CREB1: variants seen among roughly 807,000 people sequenced by gnomAD.
CREB1 encodes cyclic AMP-responsive element-binding protein 1.
Under a neutral mutation model 42.0 loss-of-function variants are expected in CREB1, and 2 were observed. The observed-to-expected ratio is 0.05, with a 90% CI of 0.02 to 0.15. The LOEUF (loss-of-function observed/expected upper bound fraction) is 0.15, where lower values mean the gene tolerates loss of function less well. CREB1 is among the 10% of genes least tolerant of loss of function. CREB1 has a pLI of 1.00. For synonymous variants in CREB1, 123 were observed against 139.9 expected (o/e 0.88, Z 0.85); for missense variants, 199 against 388.9 (o/e 0.51, Z 4.11).
chr2:207,596,839 GA>G lies in CREB1; in HGVS notation c.840-65del, dbSNP rs72094349. 9,695 of 1,354,396 alleles carry G rather than the reference GA, an allele frequency of 7.2e-3. 345 individuals are homozygous for G. In the African/African-American group the frequency reaches 0.11, roughly 15 times the overall value. The allele number at this position is 1,354,396 out of a possible 1,614,324, so 83.9% of individuals were successfully genotyped here. On this transcript the variant is annotated intron_variant, in intron 7 of 7. Transcript: ENST00000353267. ...TGCTGTGAGCTATTTCTTTAAAAAA[GA>G]AAAAAAAAAGGTAATCCAAAATAAA...
chr2:207,594,768 T>G (rs754831218), intron 7 of CREB1, among the ~76,000 whole-genome samples: 5 of 152,172 alleles, frequency 3.3e-5, no homozygotes, highest in Non-Finnish European at 4.4e-5. Context: ...TGGTAAATTT[T>G]GTTCTTAATT....
At chr2:207,552,742 G>A (rs1450928896) in intron 1 of CREB1, among the ~76,000 whole-genome samples, 4 of 151,106 alleles carry the variant, frequency 2.6e-5, no homozygotes, top group Admixed American at 2.6e-4. Context: ...AATATCCCAA[G>A]TAGCTGGGAT....
In CREB1 at chr2:207,575,947, CCA is replaced by C. The variant is rs1553503306; in HGVS notation, c.688+494_688+495del. Reference sequence around the variant, plus strand: ...TGTTTCTCTGCTTCCCCCCCCCCCCCCAAAAGAAATTTAAATCTTCTGAGATC... The same window carrying C: ...TGTTTCTCTGCTTCCCCCCCCCCCCCAAAGAAATTTAAATCTTCTGAGATC... On this transcript the variant is annotated intron_variant, in intron 6 of 7. Transcript: ENST00000353267. Among the ~76,000 whole-genome samples the C allele has an allele frequency of 1.4e-4, 8 of 56,590 alleles. 1 individual carries two copies. Among genetic ancestry groups the C allele is most frequent in the South Asian group, 2.8e-3 (2 of 704 alleles). The allele number at this position is 56,590 out of a possible 152,430, so 37.1% of individuals were successfully genotyped here. A position where few individuals can be genotyped will look rare whatever the true frequency, so the allele number is the denominator to read the frequency against.
chr2:207,543,646 A>C (rs560062948), intron 1 of CREB1, among the ~76,000 whole-genome samples: 3 of 152,238 alleles, frequency 2.0e-5, no homozygotes, highest in Admixed American at 6.5e-5. Context: ...GTCTGTCACC[A>C]GGCTGAAGTG....
intron 7 of CREB1, chr2:207,581,039 A>G (rs1159636632): frequency 6.9e-5 from 15 of 216,232 alleles, no homozygotes; most frequent in Admixed American, 4.7e-4. Context: ...AAGTAATACA[A>G]TCTATCACCT....
chr2:207,570,096 G>T, intron 4 of CREB1, 83 bp from the exon 5 acceptor site: 2 of 900,898 alleles, frequency 2.2e-6, no homozygotes, highest in Non-Finnish European at 3.2e-6. Context: ...CTTTCTGTGA[G>T]TTTTCTCATC....
chr2:207,567,246 A>G (rs2082173714), intron 3 of CREB1, among the ~76,000 whole-genome samples: 1 of 152,150 alleles, frequency 6.6e-6, no homozygotes, highest in Admixed American at 6.5e-5. Context: ...TGAAAAAAAA[A>G]TTAAACTGCA....
chr2:207,568,438 C>T (rs2082224218), intron 4 of CREB1, among the ~76,000 whole-genome samples: 1 of 151,956 alleles, frequency 6.6e-6, no homozygotes. Flanking sequence ...AGTATATCTC[C>T]TGTTAGTATA....
chr2:207,530,081 C>G lies in CREB1; in HGVS notation c.-62C>G, dbSNP rs1042298238. 6.5e-6 allele frequency: 1 copy of G among 153,054 alleles called. No homozygotes were observed. Among genetic ancestry groups the G allele is most frequent in the African/African-American group, 2.4e-5 (1 of 41,424 alleles). The allele number at this position is 153,054 out of a possible 1,614,324, so 9.5% of individuals were successfully genotyped here. A position where few individuals can be genotyped will look rare whatever the true frequency, so the allele number is the denominator to read the frequency against. Reference sequence around the variant, plus strand: ...GTTACGTGGGGGAGAGAATAAAACTCCAGCGAGATCCGGGCCGTGAACGAA... The same window carrying G: ...GTTACGTGGGGGAGAGAATAAAACTGCAGCGAGATCCGGGCCGTGAACGAA... On this transcript the variant is annotated 5_prime_UTR_variant, in exon 1 of 8. Coordinates refer to ENST00000353267, the MANE Select transcript of CREB1 (RefSeq NM_004379.5).
At chr2:207,592,648 C>T (rs937535501) in intron 7 of CREB1, among the ~76,000 whole-genome samples, 2 of 152,062 alleles carry the variant, frequency 1.3e-5, no homozygotes, top group African/African-American at 4.8e-5. Flanking sequence ...TGGCCAGGTG[C>T]AGTGGCTCAC....
At position 207,600,278 on chromosome 2, in the gene CREB1, T is replaced by G. The variant is rs148160448; in HGVS notation, c.*3220T>G. 4.1e-5 allele frequency: 7 copies of G among 170,252 alleles called. No individual in the cohort carries two copies. The highest frequency in any genetic ancestry group is 1.7e-4 in the African/African-American group (7 of 41,656). 10.5% of individuals were successfully genotyped at this position (170,252 alleles called of 1,614,324 possible). A position where few individuals can be genotyped will look rare whatever the true frequency, so the allele number is the denominator to read the frequency against. ...ATATATATATACATACAGTATATAA[T>G]CTAAAGCTCTGAGAGCTCTTAAGTC... is the stretch of plus-strand genomic sequence containing the variant. On this transcript the variant is annotated 3_prime_UTR_variant, in exon 8 of 8. Coordinates refer to ENST00000353267, the MANE Select transcript of CREB1 (RefSeq NM_004379.5).
chr2:207,530,875 C>A (rs1379574318), intron 1 of CREB1, among the ~76,000 whole-genome samples: 1 of 151,852 alleles, frequency 6.6e-6, no homozygotes, highest in Non-Finnish European at 1.5e-5. Context: ...CGCTCCTACA[C>A]CGTTGAGGAA....
chr2:207,578,840 G>A (rs1220772693), intron 7 of CREB1, among the ~76,000 whole-genome samples: 3 of 151,986 alleles, frequency 2.0e-5, no homozygotes, highest in Admixed American at 2.0e-4. Context: ...ACCCAGGCAG[G>A]AGTGCAATGG....
intron 1 of CREB1, among the ~76,000 whole-genome samples, chr2:207,542,400 G>A (rs1198072153): frequency 1.3e-5 from 2 of 152,118 alleles, no homozygotes; most frequent in African/African-American, 4.8e-5. Flanking sequence ...GTTTGGTTTT[G>A]ATTTGTATTT....
At chr2:207,553,926 A>T (rs2081614449) in intron 1 of CREB1, among the ~76,000 whole-genome samples, 1 of 151,822 alleles carries the variant, frequency 6.6e-6, no homozygotes, top group Admixed American at 6.6e-5. Context: ...TTTTTTAAAA[A>T]AATAAATGGG....
At chr2:207,581,882 CTT>C (rs2083006517) in intron 7 of CREB1, 2 of 702,764 alleles carry the variant, frequency 2.8e-6, no homozygotes. Flanking sequence ...GGCCTTGTAA[CTT>C]TTGAAGAGTA....
chr2:207,536,848 G>T (rs1311690064), intron 1 of CREB1, among the ~76,000 whole-genome samples: 1 of 151,672 alleles, frequency 6.6e-6, no homozygotes, highest in East Asian at 2.0e-4. Context: ...GAATTATCTG[G>T]GTATAGTTGT....
chr2:207,566,326 C>T (rs995601340), intron 3 of CREB1, among the ~76,000 whole-genome samples: 2 of 152,172 alleles, frequency 1.3e-5, no homozygotes, highest in Admixed American at 6.5e-5. Flanking sequence ...TACGTTTTGA[C>T]GTGGAGCTGA....
chr2:207,575,182 T>C, intron 5 of CREB1, 90 bp from the exon 6 acceptor site: 1 of 1,330,446 alleles, frequency 7.5e-7, no homozygotes, highest in Non-Finnish European at 1.0e-6. Flanking sequence ...TTCTCCTAGA[T>C]TATTTTACAA....
Sources: gnomAD v4.1 joint callset for allele counts (sites outside exome capture counted in the v4.1 genomes callset) on GRCh38, gnomAD v4.1.1 for gene constraint, MANE v1.5 for transcripts, NCBI Gene and HGNC (gene_info 2026-07-23, HGNC 2026-07-21) for gene names.